SLC6A4: variants seen among roughly 807,000 people sequenced by gnomAD.
SLC6A4 encodes sodium-dependent serotonin transporter.
SLC6A4 carries 22 observed loss-of-function variants against 73.4 expected under a neutral mutation model. The observed-to-expected ratio is 0.30, with a 90% CI of 0.21 to 0.43. The LOEUF (loss-of-function observed/expected upper bound fraction) is 0.43, where lower values mean the gene tolerates loss of function less well. Ranked by LOEUF, SLC6A4 falls within the 20% of genes least tolerant of loss-of-function variation. The pLI is 1.00. For synonymous variants in SLC6A4, 270 were observed against 315.5 expected, an observed-to-expected ratio of 0.86 and a Z score of 1.53; for missense variants, 593 against 808.5, an observed-to-expected ratio of 0.73 and a Z score of 3.23.
chr17:30,219,708 T>C (rs1906687002), intron 3 of SLC6A4, among the ~76,000 whole-genome samples: 1 of 152,196 alleles, frequency 6.6e-6, no homozygotes, highest in Non-Finnish European at 1.5e-5. Flanking sequence ...CTGGATCTTG[T>C]GGCTGAGGCT....
intron 8 of SLC6A4, 46 bp from the exon 9 acceptor site, chr17:30,212,913 A>C: frequency 1.2e-6 from 2 of 1,606,558 alleles, no homozygotes; most frequent in African/African-American, 1.3e-5. Context: ...TTCCAAGATC[A>C]GGGGTCTAAG....
At chr17:30,215,817 G>C in intron 7 of SLC6A4, 103 bp from the exon 8 acceptor site, 1 of 1,023,478 alleles carries the variant, frequency 9.8e-7, no homozygotes, top group South Asian at 1.4e-5. Flanking sequence ...TAAGTGCAGA[G>C]GCAGAAAAAC....
chr17:30,231,276 C>CTA (rs902346454), intron 1 of SLC6A4, among the ~76,000 whole-genome samples: 7 of 150,112 alleles, frequency 4.7e-5, no homozygotes, highest in African/African-American at 1.7e-4. Context: ...TTAGTTGAAC[C>CTA]TATATATATA....
At chr17:30,234,170 T>G (rs2143016920) in intron 1 of SLC6A4, among the ~76,000 whole-genome samples, 1 of 152,020 alleles carries the variant, frequency 6.6e-6, no homozygotes, top group Admixed American at 6.5e-5. Context: ...ACATCAACAT[T>G]ATTCCCCCAT....
chr17:30,209,130 G>A lies in SLC6A4; in HGVS notation c.1549+13C>T, dbSNP rs1597635802. 1.9e-6 allele frequency: 3 copies of A among 1,595,174 alleles called. No homozygotes were observed. Among genetic ancestry groups the A allele is most frequent in the Non-Finnish European group, 1.7e-6 (2 of 1,162,892 alleles). On this transcript the variant is annotated intron_variant, in intron 12 of 14. Transcript: ENST00000650711. Reference sequence around the variant, plus strand: ...TGTAGAAGGGACCCAGCTGGCTGAAGGAAGCGTCTTACCATAGAACCAAGA... The same window carrying A: ...TGTAGAAGGGACCCAGCTGGCTGAAAGAAGCGTCTTACCATAGAACCAAGA...
intron 5 of SLC6A4, 129 bp downstream of exon 5, chr17:30,217,989 C>T: frequency 1.4e-6 from 1 of 700,660 alleles, no homozygotes; most frequent in African/African-American, 1.8e-5. Context: ...TCTGCTACTC[C>T]CACCCCTGAT....
chr17:30,235,486 G>A lies in SLC6A4; in HGVS notation c.-221+127C>T, dbSNP rs1039043240. 1 of 152,276 alleles carries A rather than the reference G, an allele frequency of 6.6e-6. No individual in the cohort carries two copies. The highest frequency in any genetic ancestry group is 1.5e-5 in the Non-Finnish European group (1 of 68,070). 9.4% of individuals were successfully genotyped at this position (152,276 alleles called of 1,614,324 possible). On this transcript the variant is annotated intron_variant, in intron 1 of 14. Transcript: ENST00000650711. The surrounding 1 kb of genome is among the most constrained non-coding windows in gnomAD (Gnocchi z 4.5). ...GGGCAGGATCCGGCGCCCACCGCTG[G>A]GGCGCATGCACCTCCTCGCCTCCTC...
rs1905797914 is a variant in SLC6A4 at position 30,194,656 on chromosome 17, A to G, written c.*3800T>C. ...TTAATTTTAGAGTGTAAATAAGAAT[A>G]ATCTTTCAAAATGCCATTTAAAAAA... On this transcript the variant is annotated 3_prime_UTR_variant, in exon 15 of 15. Coordinates refer to ENST00000650711, the MANE Select transcript of SLC6A4 (RefSeq NM_001045.6). The G allele has an allele frequency of 6.6e-6, 1 of 152,224 alleles. No individual in the cohort carries two copies. Among genetic ancestry groups the G allele is most frequent in the Non-Finnish European group, 1.5e-5 (1 of 68,038 alleles). The allele number at this position is 152,224 out of a possible 1,614,324, so 9.4% of individuals were successfully genotyped here. A position where few individuals can be genotyped will look rare whatever the true frequency, so the allele number is the denominator to read the frequency against.
rs767509248 is a variant in SLC6A4, at chr17:30,212,857, C to G, written c.1087G>C (p.Val363Leu). 6.2e-7 allele frequency: 1 copy of G among 1,614,096 alleles called. No homozygotes were observed. The highest frequency in any genetic ancestry group is 8.5e-7 in the Non-Finnish European group (1 of 1,180,014). Residue 363 changes from valine (V) to leucine (L), a missense_variant, in exon 9 of 15, where the codon GTG becomes CTG. By Grantham distance (32) the Val-to-Leu change is conservative (BLOSUM62 1). Coordinates refer to ENST00000650711, the MANE Select transcript of SLC6A4 (RefSeq NM_001045.6). Reference sequence around the variant, plus strand: ...GTCATGCAGTTCACCACGCTGGTCACCAGGGCATCTCTGGAGGGGAAAACC... The same window carrying G: ...GTCATGCAGTTCACCACGCTGGTCAGCAGGGCATCTCTGGAGGGGAAAACC... The part of the protein sequence containing the change: ...FNNNCYQDAL[V>L]TSVVNCMTSF...
At chr17:30,221,572 C>G in intron 3 of SLC6A4, 44 bp downstream of exon 3, 1 of 1,558,820 alleles carries the variant, frequency 6.4e-7, no homozygotes, top group Non-Finnish European at 8.8e-7. Context: ...CGGGTCACAG[C>G]CCACCCTGGG....
chr17:30,209,060 C>A, intron 12 of SLC6A4, 83 bp downstream of exon 12: 1 of 951,398 alleles, frequency 1.1e-6, no homozygotes, highest in Non-Finnish European at 1.7e-6. Flanking sequence ...CCCCTCACAG[C>A]CTTTTTTGGT....
chr17:30,234,514 C>T (rs1007230328), intron 1 of SLC6A4, among the ~76,000 whole-genome samples: 1 of 152,188 alleles, frequency 6.6e-6, no homozygotes, highest in African/African-American at 2.4e-5. Context: ...TGGCTTCACA[C>T]AGAAGCAAGT....
In SLC6A4 at chr17:30,194,952, T is replaced by C. The variant is rs200814506; in HGVS notation, c.*3504A>G. On this transcript the variant is annotated 3_prime_UTR_variant, in exon 15 of 15. Coordinates refer to ENST00000650711, the MANE Select transcript of SLC6A4 (RefSeq NM_001045.6). ...ACACTGTCTCCAAATTAGAGTTGGC[T>C]GGTGAAGAAAGTTTATTTTAGTAGC... 2.0e-5 allele frequency: 3 copies of C among 152,228 alleles called. No homozygotes were observed. The highest frequency in any genetic ancestry group is 4.4e-5 in the Non-Finnish European group (3 of 68,046). 9.4% of individuals were successfully genotyped at this position (152,228 alleles called of 1,614,324 possible). A position where few individuals can be genotyped will look rare whatever the true frequency, so the allele number is the denominator to read the frequency against.
intron 14 of SLC6A4, among the ~76,000 whole-genome samples, chr17:30,202,900 G>A (rs1906079754): frequency 6.6e-6 from 1 of 152,200 alleles, no homozygotes; most frequent in African/African-American, 2.4e-5. Context: ...TGTCTGATAA[G>A]TTTGAAAACC....
intron 6 of SLC6A4, 35 bp from the exon 7 acceptor site, chr17:30,216,251 AGGGAGGGGAG>A (rs762398842): frequency 6.2e-5 from 30 of 485,552 alleles, no homozygotes; most frequent in Non-Finnish European, 8.1e-5. Context: ...ATGCTGTTCC[AGGGAGGGGAG>A]GGGAGGGGAG....
chr17:30,221,518 G>GCAGCCCACCCGGGTCA (rs2143015477), intron 3 of SLC6A4, 98 bp downstream of exon 3: 1 of 899,578 alleles, frequency 1.1e-6, no homozygotes, highest in Admixed American at 2.4e-5. Context: ...ACCCCAGGTC[G>GCAGCCCACCCGGGTCA]CAGCCCACCC....
At position 30,221,647 on chromosome 17, in the gene SLC6A4, G is replaced by A. The variant is rs1268556712; in HGVS notation, c.312C>T (p.Arg104=). ...CATTCTGGTAACATATGTAGGGGAA[G>A]CGCCAGACATTGCCCAGGTCCACAG... is the stretch of plus-strand genomic sequence containing the variant. ...GYAVDLGNVW[R]FPYICYQNGG... The change falls in exon 3 of 15, where the codon CGC becomes CGT. Residue 104 remains arginine, a synonymous_variant. Transcript: ENST00000650711. 8 of 1,614,132 alleles carry A rather than the reference G, an allele frequency of 5.0e-6. No homozygotes were observed. The highest frequency in any genetic ancestry group is 6.8e-6 in the Non-Finnish European group (8 of 1,179,988).
At chr17:30,231,521 T>C (rs1167492190) in intron 1 of SLC6A4, among the ~76,000 whole-genome samples, 2 of 151,638 alleles carry the variant, frequency 1.3e-5, no homozygotes, top group Non-Finnish European at 2.9e-5. Context: ...GATACATAAA[T>C]GGCATAATTA....
intron 1 of SLC6A4, among the ~76,000 whole-genome samples, chr17:30,224,915 AGCTCCTGGAAGAGTAATAC>A (rs1259183832): frequency 6.6e-6 from 1 of 152,212 alleles, no homozygotes; most frequent in East Asian, 1.9e-4. Context: ...TATGGTAAGC[AGCTCCTGGAAGAGTAATAC>A]GCTGTTTCTA....
Sources: gnomAD v4.1 joint callset for allele counts (sites outside exome capture counted in the v4.1 genomes callset) on GRCh38, gnomAD v4.1.1 for gene constraint, Gnocchi (gnomAD v3.1) non-coding constraint, MANE v1.5 for transcripts, NCBI Gene and HGNC (gene_info 2026-07-23, HGNC 2026-07-21) for gene names.